Variants in TMEM87B observed in about 807,000 individuals in gnomAD.
TMEM87B encodes the protein transmembrane protein 87B.
TMEM87B carries 83 observed loss-of-function variants against 80.3 expected under a neutral mutation model. That is an observed-to-expected ratio of 1.03 (90% CI 0.87 to 1.24). The LOEUF (loss-of-function observed/expected upper bound fraction) is 1.24. Ranked by LOEUF, TMEM87B falls within the 50% of genes most tolerant of loss-of-function variation. The pLI, the probability that TMEM87B is intolerant of heterozygous loss-of-function variation, is 0.00. For synonymous variants in TMEM87B, 219 were observed against 230.5 expected (o/e 0.95, Z 0.45); for missense variants, 625 against 674.4 (o/e 0.93, Z 0.81).
rs1679243536 is a variant in TMEM87B at position 112,089,634 on chromosome 2, A to G, written c.948A>G (p.Leu316=). 1.2e-6 allele frequency: 2 copies of G among 1,614,090 alleles called. No homozygotes were observed. The highest frequency in any genetic ancestry group is 4.5e-5 in the East Asian group (2 of 44,880). The stretch of plus-strand genomic sequence containing the variant: ...CTCTTCCTGATTCCAGGCCTCGTTT[A>G]GGAACAGTCATGCACCGGGTGATCG... ...SLGYGIVKPR[L]GTVMHRVIGL... Residue 316 remains leucine (L), a synonymous_variant, in exon 10 of 19, where the codon TTA becomes TTG. Transcript: ENST00000283206.
chr2:112,072,648 A>G (rs1465640291), intron 4 of TMEM87B, among the ~76,000 whole-genome samples: 2 of 151,692 alleles, frequency 1.3e-5, no homozygotes, highest in East Asian at 3.9e-4. Flanking sequence ...AGTTTATTGG[A>G]TCCTCTGTCT....
Position 112,117,603 on chromosome 2 carries a change from A to G in TMEM87B, c.*1460A>G, listed in dbSNP as rs1287124253. 1 of 152,126 alleles carries G rather than the reference A, an allele frequency of 6.6e-6. No individual in the cohort carries two copies. The highest frequency in any genetic ancestry group is 1.5e-5 in the Non-Finnish European group (1 of 68,008). The allele number at this position is 152,126 out of a possible 1,614,324, so 9.4% of individuals were successfully genotyped here. ...TGGAAAGTGAACAGTGTTGGCAAAC[A>G]TTACCGAGAAAATCATGCTTTTCAA... On this transcript the variant is annotated 3_prime_UTR_variant, in exon 19 of 19. Coordinates refer to ENST00000283206, the MANE Select transcript of TMEM87B (RefSeq NM_032824.3).
rs184226631 is a variant in TMEM87B, at chr2:112,111,869, G to A, written c.1578-1030G>A. Among the ~76,000 whole-genome samples the A allele has an allele frequency of 3.9e-3, 596 of 152,248 alleles. 4 individuals carry two copies. Among genetic ancestry groups the A allele is most frequent in the African/African-American group, 0.014 (573 of 41,526 alleles). On this transcript the variant is annotated intron_variant, in intron 17 of 18. Coordinates refer to ENST00000283206, the MANE Select transcript of TMEM87B (RefSeq NM_032824.3). ...ATCTCCCTCTTTAATGCACTGAATCGTTCTTAATAAGTTTTAAGTAGTCAT... is the reference window on the plus strand; with the variant it reads ...ATCTCCCTCTTTAATGCACTGAATCATTCTTAATAAGTTTTAAGTAGTCAT...
intron 15 of TMEM87B, among the ~76,000 whole-genome samples, chr2:112,103,374 A>T (rs1020961997): frequency 6.6e-6 from 1 of 152,200 alleles, no homozygotes; most frequent in Non-Finnish European, 1.5e-5. Flanking sequence ...TCCCAGTCTG[A>T]TAAATAGATT....
intron 14 of TMEM87B, among the ~76,000 whole-genome samples, chr2:112,099,738 G>A (rs1679577775): frequency 2.0e-5 from 3 of 150,800 alleles, no homozygotes; most frequent in Non-Finnish European, 4.4e-5. Flanking sequence ...TTAGCCAGGT[G>A]CGGTGGTATG....
At chr2:112,071,060 C>G (rs1276972750) in intron 4 of TMEM87B, among the ~76,000 whole-genome samples, 1 of 151,720 alleles carries the variant, frequency 6.6e-6, no homozygotes, top group East Asian at 1.9e-4. Context: ...CTCCTGACTT[C>G]ATGATCCACC....
At position 112,107,795 on chromosome 2, in the gene TMEM87B, A is replaced by T; in HGVS notation, c.1532A>T (p.Asp511Val). 2 of 1,576,646 alleles carry T rather than the reference A, an allele frequency of 1.3e-6. No individual in the cohort carries two copies. Among genetic ancestry groups the T allele is most frequent in the African/African-American group, 1.3e-5 (1 of 74,370 alleles). Residue 511 changes from aspartate to valine, a missense_variant, in exon 17 of 19, where the codon GAT becomes GTT. Physicochemically the swap from Asp to Val is radical, Grantham distance 152 (BLOSUM62 -3). Coordinates refer to ENST00000283206, the MANE Select transcript of TMEM87B (RefSeq NM_032824.3). Reference sequence around the variant, plus strand: ...GTATAAATATTTCTACAGGATGAAGATTTGAAGTGGGTAGAAGAAAATATT... The same window carrying T: ...GTATAAATATTTCTACAGGATGAAGTTTTGAAGTGGGTAGAAGAAAATATT... ...KPATSENFDE[D>V]LKWVEENIPS...
At chr2:112,068,856 T>C (rs1164149641) in intron 4 of TMEM87B, among the ~76,000 whole-genome samples, 1 of 152,200 alleles carries the variant, frequency 6.6e-6, no homozygotes, top group African/African-American at 2.4e-5. Flanking sequence ...TTTTATTTTT[T>C]AACTTTTATT....
chr2:112,104,907 A>T (rs138472768), intron 15 of TMEM87B, among the ~76,000 whole-genome samples: 1 of 152,328 alleles, frequency 6.6e-6, no homozygotes, highest in Non-Finnish European at 1.5e-5. Context: ...TCTATAACAT[A>T]ACTTAATCTC....
chr2:112,074,097 G>A (rs1678739310), intron 4 of TMEM87B, among the ~76,000 whole-genome samples: 1 of 151,922 alleles, frequency 6.6e-6, no homozygotes, highest in Admixed American at 6.6e-5. Context: ...TGACATTGTG[G>A]GTTTGATCGT....
At chr2:112,072,895 C>CTTTTTTTTTTTT (rs71226782) in intron 4 of TMEM87B, among the ~76,000 whole-genome samples, 2 of 83,014 alleles carry the variant, frequency 2.4e-5, no homozygotes, top group African/African-American at 1.0e-4. Flanking sequence ...AACTCTTCTT[C>CTTTTTTTTTTTT]TTTTTTTTTT....
chr2:112,067,333 C>T (rs919479261), intron 4 of TMEM87B, among the ~76,000 whole-genome samples: 5 of 152,146 alleles, frequency 3.3e-5, no homozygotes, highest in East Asian at 1.9e-4. Context: ...CGTGGCTGGG[C>T]GCGGTGGCTC....
At chr2:112,098,076 A>T (rs1330221423) in intron 13 of TMEM87B, among the ~76,000 whole-genome samples, 2 of 152,086 alleles carry the variant, frequency 1.3e-5, no homozygotes, top group Non-Finnish European at 2.9e-5. Flanking sequence ...CCCGGGTTGA[A>T]GCAATTATCT....
chr2:112,077,255 A>T lies in TMEM87B; in HGVS notation c.565A>T (p.Asn189Tyr). ...HIFIVSIKTE[N>Y]TDASWNLNVS... Reference sequence around the variant, plus strand: ...CTTTATTGTTTCTATTAAAACGGAGAATACAGATGCAAGCTGGAATTTGAA... The same window carrying T: ...CTTTATTGTTTCTATTAAAACGGAGTATACAGATGCAAGCTGGAATTTGAA... Residue 189 changes from asparagine to tyrosine, a missense_variant, in exon 6 of 19, where the codon AAT becomes TAT. Asn to Tyr is a moderately radical substitution (Grantham distance 143, BLOSUM62 -2). Coordinates refer to ENST00000283206, the MANE Select transcript of TMEM87B (RefSeq NM_032824.3). 1.3e-6 allele frequency: 2 copies of T among 1,591,950 alleles called. No individual in the cohort carries two copies. Among genetic ancestry groups the T allele is most frequent in the Non-Finnish European group, 1.7e-6 (2 of 1,168,930 alleles).
At chr2:112,080,863 G>A (rs1167914506) in intron 6 of TMEM87B, among the ~76,000 whole-genome samples, 194 bp from the exon 7 acceptor site, 8 of 152,090 alleles carry the variant, frequency 5.3e-5, no homozygotes, top group African/African-American at 1.9e-4. Flanking sequence ...TACAGTTTCT[G>A]GTCTTACAGT....
chr2:112,066,931 T>C lies in TMEM87B; in HGVS notation c.319-5T>C, dbSNP rs1352881139. The C allele has an allele frequency of 6.3e-7, 1 of 1,592,648 alleles. No homozygotes were observed. The highest frequency in any genetic ancestry group is 2.3e-5 in the East Asian group (1 of 44,326). ...AATTATAACATAGAATTTTACCTTATATAGGAGCTGTTCCAAAAACATAAA... is the reference window on the plus strand; with the variant it reads ...AATTATAACATAGAATTTTACCTTACATAGGAGCTGTTCCAAAAACATAAA... On this transcript the variant is annotated splice_polypyrimidine_tract_variant and splice_region_variant and intron_variant, in intron 3 of 18. Coordinates refer to ENST00000283206, the MANE Select transcript of TMEM87B (RefSeq NM_032824.3).
At chr2:112,087,451 G>A (rs1190613443) in intron 9 of TMEM87B, among the ~76,000 whole-genome samples, 1 of 151,842 alleles carries the variant, frequency 6.6e-6, no homozygotes, top group African/African-American at 2.4e-5. Context: ...TTTCACTGAG[G>A]AAGTAGAAGC....
chr2:112,090,319 T>C (rs756418645), intron 10 of TMEM87B, among the ~76,000 whole-genome samples: 3 of 152,208 alleles, frequency 2.0e-5, no homozygotes, highest in Non-Finnish European at 4.4e-5. Context: ...CCTAGATTTC[T>C]AGCTTCAGTT....
At chr2:112,064,424 C>T (rs899865753) in intron 3 of TMEM87B, among the ~76,000 whole-genome samples, 171 bp downstream of exon 3, 33 of 152,132 alleles carry the variant, frequency 2.2e-4, no homozygotes, top group African/African-American at 6.5e-4. Context: ...GAGAATACTA[C>T]GAGCTTTTAG....
Sources: allele counts gnomAD v4.1 joint callset (sites outside exome capture counted in the v4.1 genomes callset), GRCh38; gene constraint gnomAD v4.1.1; transcripts MANE v1.5; gene names NCBI Gene and HGNC (gene_info 2026-07-23, HGNC 2026-07-21).